The following FBLN1 variants were observed in gnomAD, a reference collection of about 807,000 sequenced individuals.
The protein encoded by FBLN1 is fibulin 1.
A neutral mutation model predicts 89.7 loss-of-function variants in FBLN1; 34 were observed. The observed-to-expected ratio is 0.38, with a 90% CI of 0.29 to 0.50. The LOEUF (loss-of-function observed/expected upper bound fraction) is 0.50. Among genes scored for constraint, FBLN1 ranks in the 20% least tolerant of loss-of-function variants. The pLI is 0.92. For missense variants in FBLN1, 777 were observed against 988.1 expected (o/e 0.79, Z 2.86); for synonymous variants, 393 against 391.3 (o/e 1.00, Z -0.05).
intron 16 of FBLN1, among the ~76,000 whole-genome samples, chr22:45,584,920 C>T (rs5765499): frequency 0.36 from 54,541 of 152,206 alleles, 11,676 homozygotes; most frequent in Admixed American, 0.52. Context: ...TTATCTTATT[C>T]ATTCAACAAG....
intron 2 of FBLN1, among the ~76,000 whole-genome samples, chr22:45,524,906 G>A (rs980188018): frequency 6.6e-6 from 1 of 152,116 alleles, no homozygotes; most frequent in Non-Finnish European, 1.5e-5. Context: ...CCAACACAGT[G>A]AAACCCCGTC....
Position 45,549,038 on chromosome 22 carries a change from A to G in FBLN1, c.1573+294A>G, listed in dbSNP as rs780724774. On this transcript the variant is annotated intron_variant, in intron 13 of 16. Coordinates refer to ENST00000327858, the MANE Select transcript of FBLN1 (RefSeq NM_006486.3). This position sits in a 1 kb window ranked among gnomAD's most constrained non-coding sequence, Gnocchi z 5.7. ...CCTCCCCTCCCCTCAGCAGCCCCGT[A>G]AAGGCTGGAACAGAGGCCTTTAGGA... 2.6e-5 allele frequency among the ~76,000 whole-genome samples: 4 copies of G among 152,186 alleles called. No homozygotes were observed. The highest frequency in any genetic ancestry group is 5.9e-5 in the Non-Finnish European group (4 of 68,018).
rs1168742310 is a variant in FBLN1, at chr22:45,561,100, C to A, written c.1697+10485C>A. On this transcript the variant is annotated intron_variant, in intron 14 of 16. Transcript: ENST00000327858. This position sits in a 1 kb window ranked among gnomAD's most constrained non-coding sequence, Gnocchi z 4.7. ...CTTCATCAGGCTCCTCCCACATGTC[C>A]CCATTCCAAGTTGCAGGGTCCCATT... Among the ~76,000 whole-genome samples, 3 of 152,194 alleles carry A rather than the reference C, an allele frequency of 2.0e-5. No homozygotes were observed. Among genetic ancestry groups the A allele is most frequent in the Non-Finnish European group, 4.4e-5 (3 of 68,042 alleles).
At position 45,568,735 on chromosome 22, in the gene FBLN1, TGTAGGGGA is replaced by T. The variant is rs1453016402; in HGVS notation, c.1698-5775_1698-5768del. Among the ~76,000 whole-genome samples the T allele has an allele frequency of 3.0e-4, 24 of 80,404 alleles. 8 individuals are homozygous for T. Among genetic ancestry groups the T allele is most frequent in the African/African-American group, 1.1e-3 (18 of 16,990 alleles). The allele number at this position is 80,404 out of a possible 152,430, so 52.7% of individuals were successfully genotyped here. A position where few individuals can be genotyped will look rare whatever the true frequency, so the allele number is the denominator to read the frequency against. ...TGCTCCTTCTGTAGGAGAATGCTCCTGTAGGGGACTTCTGTAGGGGAGTGCTCCTTCTG... is the reference window on the plus strand; with the variant it reads ...TGCTCCTTCTGTAGGAGAATGCTCCTCTTCTGTAGGGGAGTGCTCCTTCTG... On this transcript the variant is annotated intron_variant, in intron 14 of 16. Coordinates refer to ENST00000327858, the MANE Select transcript of FBLN1 (RefSeq NM_006486.3).
At chr22:45,584,890 C>T (rs1396802885) in intron 16 of FBLN1, among the ~76,000 whole-genome samples, 1 of 152,248 alleles carries the variant, frequency 6.6e-6, no homozygotes, top group Non-Finnish European at 1.5e-5. Context: ...GCAGGCCTCT[C>T]AAGTCCTATC....
Position 45,574,647 on chromosome 22 carries a change from C to T in FBLN1, c.1834C>T (p.Pro612Ser). The change falls in exon 15 of 17, where the codon CCT becomes TCT. Residue 612 changes from proline (P) to serine (S), a missense_variant. Pro to Ser is a moderately conservative substitution (Grantham distance 74, BLOSUM62 -1). Transcript: ENST00000327858. The surrounding 1 kb of genome is among the most constrained non-coding windows in gnomAD (Gnocchi z 4.1). ...SLPTFREFTR[P>S]EEIIFLRAIT... is the part of the protein sequence containing the mutation. ...GCCTACCTTCCGCGAGTTCACCCGC[C>T]CTGAAGGTGAGTGGGATGGGTGTGG... The T allele has an allele frequency of 5.0e-6, 8 of 1,613,692 alleles. No homozygotes were observed. The highest frequency in any genetic ancestry group is 6.8e-6 in the Non-Finnish European group (8 of 1,179,956).
At chr22:45,521,970 G>A (rs1043971524) in intron 2 of FBLN1, among the ~76,000 whole-genome samples, 6 of 152,030 alleles carry the variant, frequency 3.9e-5, no homozygotes, top group African/African-American at 1.2e-4. Context: ...TGGTTTGTCT[G>A]TTGTGTTAGC....
chr22:45,558,925 T>G (rs2097486), intron 14 of FBLN1, among the ~76,000 whole-genome samples: 1 of 152,218 alleles, frequency 6.6e-6, no homozygotes, highest in Admixed American at 6.5e-5. Flanking sequence ...ACTTCTCACT[T>G]ACTGGATCCA....
chr22:45,513,640 C>T (rs765161312), intron 1 of FBLN1, among the ~76,000 whole-genome samples: 1 of 152,146 alleles, frequency 6.6e-6, no homozygotes, highest in Non-Finnish European at 1.5e-5. Flanking sequence ...ACTCCCCGTC[C>T]TCTCCCCCGA....
In FBLN1 at chr22:45,543,541, C is replaced by T; in HGVS notation, c.1321+15C>T. The T allele has an allele frequency of 6.2e-7, 1 of 1,611,722 alleles. No individual in the cohort carries two copies. Among genetic ancestry groups the T allele is most frequent in the Non-Finnish European group, 8.5e-7 (1 of 1,179,776 alleles). On this transcript the variant is annotated intron_variant, in intron 11 of 16. Transcript: ENST00000327858. The stretch of plus-strand genomic sequence containing the variant: ...GTCATGTGAAGGTGAGGCTGGGGCC[C>T]CGTCCACTCACCTCCCCCAGGTCAC...
At position 45,577,150 on chromosome 22, in the gene FBLN1, C is replaced by A. The variant is rs372471996; in HGVS notation, c.1972+42C>A. On this transcript the variant is annotated intron_variant, in intron 16 of 16. Coordinates refer to ENST00000327858, the MANE Select transcript of FBLN1 (RefSeq NM_006486.3). This position sits in a 1 kb window ranked among gnomAD's most constrained non-coding sequence, Gnocchi z 6.6. Reference sequence around the variant, plus strand: ...ATCAGCTCTATCCAGGCACCCCTCCCCCTCCACCCCGAAACCCTCTCTGGC... The same window carrying A: ...ATCAGCTCTATCCAGGCACCCCTCCACCTCCACCCCGAAACCCTCTCTGGC... 6.2e-7 allele frequency: 1 copy of A among 1,610,370 alleles called. No individual in the cohort carries two copies.
In FBLN1 at chr22:45,563,146, C is replaced by T. The variant is rs779873650; in HGVS notation, c.1698-11365C>T. Reference sequence around the variant, plus strand: ...GCCCCCACAGTGGGGTGGTGGCCCTCACCAAGCCTGTCCCCGAGCCCAGGG... The same window carrying T: ...GCCCCCACAGTGGGGTGGTGGCCCTTACCAAGCCTGTCCCCGAGCCCAGGG... On this transcript the variant is annotated intron_variant, in intron 14 of 16. Coordinates refer to ENST00000327858, the MANE Select transcript of FBLN1 (RefSeq NM_006486.3). The surrounding 1 kb of genome is among the most constrained non-coding windows in gnomAD (Gnocchi z 5.7). 1.2e-6 allele frequency: 2 copies of T among 1,613,538 alleles called. No individual in the cohort carries two copies. Among genetic ancestry groups the T allele is most frequent in the Non-Finnish European group, 1.7e-6 (2 of 1,180,024 alleles).
chr22:45,510,432 C>T (rs1017416957), intron 1 of FBLN1, among the ~76,000 whole-genome samples: 2 of 152,116 alleles, frequency 1.3e-5, no homozygotes, highest in East Asian at 1.9e-4. Context: ...AACTGAGGCC[C>T]GGACTTGCTC....
Position 45,548,721 on chromosome 22 carries a change from C to T in FBLN1, c.1550C>T (p.Ala517Val), listed in dbSNP as rs750381809. 3 of 1,612,834 alleles carry T rather than the reference C, an allele frequency of 1.9e-6. No individual in the cohort carries two copies. Among genetic ancestry groups the T allele is most frequent in the Non-Finnish European group, 2.5e-6 (3 of 1,179,956 alleles). Residue 517 changes from alanine (A) to valine (V), a missense_variant, in exon 13 of 17, where the codon GCC becomes GTC. Ala to Val is a moderately conservative substitution (Grantham distance 64). Transcript: ENST00000327858. ...CSCPSSGYRL[A>V]PNGRNCQDID... ...TGCCCCTCGTCTGGCTACAGGCTGG[C>T]CCCCAATGGCCGCAACTGCCAAGGT...
rs768136514 is a variant in FBLN1, at chr22:45,574,656, G to A, written c.1840+3G>A. 2 of 1,613,068 alleles carry A rather than the reference G, an allele frequency of 1.2e-6. No individual in the cohort carries two copies. The highest frequency in any genetic ancestry group is 1.3e-5 in the African/African-American group (1 of 75,046). On this transcript the variant is annotated splice_donor_region_variant and intron_variant, in intron 15 of 16. Transcript: ENST00000327858. This position sits in a 1 kb window ranked among gnomAD's most constrained non-coding sequence, Gnocchi z 4.1. ...CCGCGAGTTCACCCGCCCTGAAGGT[G>A]AGTGGGATGGGTGTGGGGGTCCCAG...
At chr22:45,533,658 G>A in intron 6 of FBLN1, 103 bp from the exon 7 acceptor site, 1 of 1,365,184 alleles carries the variant, frequency 7.3e-7, no homozygotes, top group East Asian at 2.3e-5. Flanking sequence ...TTGCGAGGGT[G>A]CAGGGAAGCA....
At chr22:45,555,274 T>TATATATATATATATATAAAATGGA (rs2088773226) in intron 14 of FBLN1, among the ~76,000 whole-genome samples, 3 of 142,656 alleles carry the variant, frequency 2.1e-5, no homozygotes, top group Admixed American at 7.0e-5. Context: ...TAAAATGGAA[T>TATATATATATATATATAAAATGGA]ATATATATAT....
chr22:45,575,377 G>T lies in FBLN1; in HGVS notation c.1840+724G>T, dbSNP rs551252669. Among the ~76,000 whole-genome samples, 1 of 151,954 alleles carries T rather than the reference G, an allele frequency of 6.6e-6. No individual in the cohort carries two copies. Among genetic ancestry groups the T allele is most frequent in the Non-Finnish European group, 1.5e-5 (1 of 67,962 alleles). On this transcript the variant is annotated intron_variant, in intron 15 of 16. Coordinates refer to ENST00000327858, the MANE Select transcript of FBLN1 (RefSeq NM_006486.3). The surrounding 1 kb of genome is among the most constrained non-coding windows in gnomAD (Gnocchi z 6.3). ...CATGGCCAGAAGGGTCTGGAGGTAT[G>T]GGGGGGCGGTGTGGGCGTTTGAGAA...
At position 45,559,786 on chromosome 22, in the gene FBLN1, T is replaced by C. The variant is rs557634646; in HGVS notation, c.1697+9171T>C. 1.8e-4 allele frequency among the ~76,000 whole-genome samples: 28 copies of C among 152,294 alleles called. No homozygotes were observed. In the South Asian group the frequency reaches 5.6e-3, roughly 30 times the overall value. On this transcript the variant is annotated intron_variant, in intron 14 of 16. Coordinates refer to ENST00000327858, the MANE Select transcript of FBLN1 (RefSeq NM_006486.3). ...TGTCTGATCATTTCCCTTTCCCCAATGCAGTTACTCTGGTAAAAGGCCAGA... is the reference window on the plus strand; with the variant it reads ...TGTCTGATCATTTCCCTTTCCCCAACGCAGTTACTCTGGTAAAAGGCCAGA...
Sources: gnomAD v4.1 joint callset for allele counts (sites outside exome capture counted in the v4.1 genomes callset) on GRCh38, gnomAD v4.1.1 for gene constraint, Gnocchi (gnomAD v3.1) non-coding constraint, MANE v1.5 for transcripts, NCBI Gene and HGNC (gene_info 2026-07-23, HGNC 2026-07-21) for gene names.